The following ERCC4 variants were observed in gnomAD, a reference collection of about 807,000 sequenced individuals.
The protein encoded by ERCC4 is ERCC excision repair 4, endonuclease catalytic subunit, also known as DNA repair endonuclease XPF.
A neutral mutation model predicts 76.9 loss-of-function variants in ERCC4; 65 were observed. That is an observed-to-expected ratio of 0.84 (90% CI 0.69 to 1.04). The LOEUF (loss-of-function observed/expected upper bound fraction) is 1.04, where lower values mean the gene tolerates loss of function less well. Ranked by LOEUF, ERCC4 falls within the 50% of genes least tolerant of loss-of-function variation. ERCC4 has a pLI of 0.00. For synonymous variants in ERCC4, 463 were observed against 410.1 expected, an observed-to-expected ratio of 1.13 and a Z score of -1.56; for missense variants, 1,214 against 1,128.2, an observed-to-expected ratio of 1.08 and a Z score of -1.09.
At position 13,926,759 on chromosome 16, in the gene ERCC4, A is replaced by G; in HGVS notation, c.584+3A>G. 6.2e-7 allele frequency: 1 copy of G among 1,604,726 alleles called. No homozygotes were observed. The highest frequency in any genetic ancestry group is 8.5e-7 in the Non-Finnish European group (1 of 1,171,520). ...AGGAAACTGTATCTGTGGCCAAGGTAAAGAACATTATGTGACAAATAATGA... is the reference window on the plus strand; with the variant it reads ...AGGAAACTGTATCTGTGGCCAAGGTGAAGAACATTATGTGACAAATAATGA... On this transcript the variant is annotated splice_donor_region_variant and intron_variant, in intron 3 of 10. Transcript: ENST00000311895.
chr16:13,932,097 G>A (rs990300709), intron 5 of ERCC4, 60 bp from the exon 6 acceptor site: 7 of 1,445,202 alleles, frequency 4.8e-6, no homozygotes, highest in Non-Finnish European at 6.8e-6. Context: ...GTGACCATCA[G>A]AGACTGTTTT....
rs760922582 is a variant in ERCC4 at position 13,937,807 on chromosome 16, G to T, written c.1853G>T (p.Arg618Leu). The T allele has an allele frequency of 7.4e-6, 12 of 1,613,490 alleles. No individual in the cohort carries two copies. The highest frequency in any genetic ancestry group is 5.9e-6 in the Non-Finnish European group (7 of 1,179,564). ...TACGGAGGTTCAACTGAGGAACAAC[G>T]CTATCTCACTGCTTTGCGGAAAGAA... is the stretch of plus-strand genomic sequence containing the variant. ...LIYGGSTEEQ[R>L]YLTALRKEKE... The change falls in exon 9 of 11, where the codon CGC becomes CTC. Residue 618 changes from arginine to leucine, a missense_variant. Coordinates refer to ENST00000311895, the MANE Select transcript of ERCC4 (RefSeq NM_005236.3).
intron 9 of ERCC4, among the ~76,000 whole-genome samples, chr16:13,943,789 C>T (rs2032462901): frequency 7.1e-6 from 1 of 141,202 alleles, no homozygotes; most frequent in African/African-American, 2.5e-5. Context: ...TGAACCCAAG[C>T]AGGGAAGAGA....
intron 4 of ERCC4, 47 bp from the exon 5 acceptor site, chr16:13,930,659 ATAAC>A (rs779142639): frequency 1.1e-5 from 14 of 1,292,812 alleles, no homozygotes; most frequent in African/African-American, 2.9e-5. Flanking sequence ...TGTATTAAGA[ATAAC>A]TATACTTAAC....
intron 2 of ERCC4, among the ~76,000 whole-genome samples, chr16:13,924,047 G>A (rs1321913216): frequency 1.3e-5 from 2 of 152,162 alleles, no homozygotes; most frequent in Admixed American, 6.5e-5. Context: ...AAAGCCCACC[G>A]AATAATGAAG....
intron 2 of ERCC4, among the ~76,000 whole-genome samples, chr16:13,923,620 GCAAACTC>G (rs1331707787): frequency 2.6e-5 from 4 of 152,116 alleles, no homozygotes; most frequent in Non-Finnish European, 5.9e-5. Context: ...TGCTTACAAA[GCAAACTC>G]CTTAATTTTC....
At position 13,948,919 on chromosome 16, in the gene ERCC4, G is replaced by A; in HGVS notation, c.*572G>A. 1 of 232,484 alleles carries A rather than the reference G, an allele frequency of 4.3e-6. No homozygotes were observed. Among genetic ancestry groups the A allele is most frequent in the East Asian group, 6.1e-5 (1 of 16,440 alleles). 14.4% of individuals were successfully genotyped at this position (232,484 alleles called of 1,614,324 possible). A position where few individuals can be genotyped will look rare whatever the true frequency, so the allele number is the denominator to read the frequency against. On this transcript the variant is annotated 3_prime_UTR_variant, in exon 11 of 11. Transcript: ENST00000311895. ...CCTTTGTCTACAAAGGAGCCTTCTG[G>A]AACACTGAGAAGAAACATCTCTTTG...
intron 5 of ERCC4, chr16:13,931,302 A>G (rs959305338): frequency 5.4e-5 from 11 of 204,110 alleles, no homozygotes; most frequent in Non-Finnish European, 1.0e-4. Context: ...TTTTAGGGAA[A>G]TATACATATA....
At chr16:13,921,469 A>G (rs978993108) in intron 1 of ERCC4, among the ~76,000 whole-genome samples, 9 of 152,134 alleles carry the variant, frequency 5.9e-5, no homozygotes, top group Non-Finnish European at 1.2e-4. Flanking sequence ...GAGGGCAGGG[A>G]TCCTGTTTGA....
chr16:13,926,789 A>G, intron 3 of ERCC4, 33 bp downstream of exon 3: 2 of 1,489,796 alleles, frequency 1.3e-6, no homozygotes, highest in South Asian at 1.1e-5. Context: ...TAATGATGAC[A>G]TTATTTGTCA....
chr16:13,922,209 C>G lies in ERCC4; in HGVS notation c.386C>G (p.Thr129Ser), dbSNP rs2141940163. Residue 129 changes from threonine to serine, a missense_variant and splice_region_variant, in exon 2 of 11, where the codon ACT (threonine) becomes AGT (serine). Transcript: ENST00000311895. ...GATAGAATACCTTCAGATTTAATTA[C>G]TGGTAAGAATTTGAAATCTTATTAT... ...LTDRIPSDLI[T>S]GILVYRAHRI... 6.3e-7 allele frequency: 1 copy of G among 1,591,624 alleles called. No individual in the cohort carries two copies. The highest frequency in any genetic ancestry group is 8.6e-7 in the Non-Finnish European group (1 of 1,161,212).
rs3136088 is a variant in ERCC4 at position 13,926,035 on chromosome 16, G to A, written c.389-526G>A. 3.7e-3 allele frequency among the ~76,000 whole-genome samples: 561 copies of A among 152,100 alleles called. 2 individuals are homozygous for A. The highest frequency in any genetic ancestry group is 0.013 in the African/African-American group (529 of 41,496). ...TGACTATCTTCTGATTCTGAAAATT[G>A]AATTCATCTCATAGGTAATGTAGAT... On this transcript the variant is annotated intron_variant, in intron 2 of 10. Coordinates refer to ENST00000311895, the MANE Select transcript of ERCC4 (RefSeq NM_005236.3).
intron 5 of ERCC4, chr16:13,931,660 A>C (rs1334510854): frequency 3.2e-5 from 5 of 156,246 alleles, no homozygotes; most frequent in African/African-American, 1.2e-4. Context: ...GATTATAGTT[A>C]AAATAAGAGA....
At chr16:13,927,404 C>G (rs756213128) in intron 3 of ERCC4, 1 of 158,162 alleles carries the variant, frequency 6.3e-6, no homozygotes, top group Non-Finnish European at 1.4e-5. Context: ...ACTATAAATA[C>G]AAAAATTAGC....
chr16:13,944,769 GAAAC>G lies in ERCC4; in HGVS notation c.1956_1959del (p.Asn653Ter). ...CCCTGAAGAAAGAGAAGGCAGAGATGAAACAAACTTAGACCTAGTAAGAGGCACA... is the reference window on the plus strand; with the variant it reads ...CCCTGAAGAAAGAGAAGGCAGAGATGAAACTTAGACCTAGTAAGAGGCACA... On this transcript the variant is annotated frameshift_variant, in exon 10 of 11. Coordinates refer to ENST00000311895, the MANE Select transcript of ERCC4 (RefSeq NM_005236.3). LOFTEE classifies it high-confidence loss of function. The G allele has an allele frequency of 6.2e-7, 1 of 1,614,100 alleles. No individual in the cohort carries two copies. The highest frequency in any genetic ancestry group is 8.5e-7 in the Non-Finnish European group (1 of 1,179,950).
intron 10 of ERCC4, among the ~76,000 whole-genome samples, chr16:13,945,129 C>T (rs2032490656): frequency 6.6e-6 from 1 of 152,166 alleles, no homozygotes; most frequent in Admixed American, 6.5e-5. Context: ...TTGGTTGAGA[C>T]TCAGAATGTA....
intron 2 of ERCC4, among the ~76,000 whole-genome samples, chr16:13,925,699 T>G (rs2032059121): frequency 6.6e-6 from 1 of 152,178 alleles, no homozygotes; most frequent in African/African-American, 2.4e-5. Context: ...ATATATAAGG[T>G]AACCAGCTTG....
At chr16:13,920,394 A>G in intron 1 of ERCC4, 22 bp downstream of exon 1, 4 of 1,543,938 alleles carry the variant, frequency 2.6e-6, no homozygotes, top group Non-Finnish European at 3.5e-6. Flanking sequence ...CTGGCGCGGG[A>G]GTGAGGGGAC....
rs2032633574 is a variant in ERCC4, at chr16:13,951,770, T to G, written c.*3423T>G. 4.5e-6 allele frequency: 1 copy of G among 222,084 alleles called. No homozygotes were observed. Among genetic ancestry groups the G allele is most frequent in the South Asian group, 1.8e-4 (1 of 5,448 alleles). The allele number at this position is 222,084 out of a possible 1,614,324, so 13.8% of individuals were successfully genotyped here. A position where few individuals can be genotyped will look rare whatever the true frequency, so the allele number is the denominator to read the frequency against. On this transcript the variant is annotated 3_prime_UTR_variant, in exon 11 of 11. Transcript: ENST00000311895. The stretch of plus-strand genomic sequence containing the variant: ...GGCAGGGGGAAAGAGGCATTACTGG[T>G]CTTTCCTTTTGTTTTGCAAGCATAA...
Sources: allele counts gnomAD v4.1 joint callset (sites outside exome capture counted in the v4.1 genomes callset), GRCh38; gene constraint gnomAD v4.1.1; transcripts MANE v1.5; gene names NCBI Gene and HGNC (gene_info 2026-07-23, HGNC 2026-07-21).